Variants in FAM171A1 observed in about 807,000 individuals in gnomAD.
FAM171A1 encodes protein FAM171A1.
Under a neutral mutation model 74.9 loss-of-function variants are expected in FAM171A1, and 23 were observed. The observed-to-expected ratio is 0.31, with a 90% CI of 0.22 to 0.44. The LOEUF is 0.44. Ranked by LOEUF, FAM171A1 falls within the 20% of genes least tolerant of loss-of-function variation. The probability of loss-of-function intolerance (pLI) is 1.00; values close to 1 mark genes in which losing one functional copy is unlikely to be tolerated. For missense variants in FAM171A1, 1,162 were observed against 1,159.2 expected (o/e 1.00, Z -0.03); for synonymous variants, 527 against 505.7 (o/e 1.04, Z -0.57).
chr10:15,233,864 T>G (rs2131736288), intron 5 of FAM171A1, among the ~76,000 whole-genome samples: 1 of 147,314 alleles, frequency 6.8e-6, no homozygotes, highest in African/African-American at 2.5e-5. Context: ...ATAGTGCCAC[T>G]GCACTCCAGC....
At chr10:15,269,063 AACAAAC>A (rs956751083) in intron 3 of FAM171A1, among the ~76,000 whole-genome samples, 9 of 151,854 alleles carry the variant, frequency 5.9e-5, no homozygotes, top group African/African-American at 2.2e-4. Context: ...CAAACAAACA[AACAAAC>A]AAAGCCAGGA....
chr10:15,260,319 T>C (rs969800613), intron 3 of FAM171A1, among the ~76,000 whole-genome samples: 5 of 152,208 alleles, frequency 3.3e-5, no homozygotes, highest in Admixed American at 1.3e-4. Flanking sequence ...ATTTGTATAT[T>C]TGTTCATCTG....
At chr10:15,306,509 C>T (rs546210738) in intron 1 of FAM171A1, among the ~76,000 whole-genome samples, 2 of 152,170 alleles carry the variant, frequency 1.3e-5, no homozygotes, top group South Asian at 2.1e-4. Flanking sequence ...GGACTACAGG[C>T]ATGCCCCACC....
At chr10:15,261,549 A>T (rs1018582300) in intron 3 of FAM171A1, among the ~76,000 whole-genome samples, 5 of 152,202 alleles carry the variant, frequency 3.3e-5, no homozygotes, top group Non-Finnish European at 5.9e-5. Flanking sequence ...TGATTATCAT[A>T]GTGTTTTAAG....
chr10:15,347,120 T>C (rs763979740), intron 1 of FAM171A1, among the ~76,000 whole-genome samples: 2 of 152,188 alleles, frequency 1.3e-5, no homozygotes, highest in Admixed American at 6.5e-5. Context: ...TGAGCAACAA[T>C]AGCCAACTAT....
chr10:15,214,250 G>A lies in FAM171A1; in HGVS notation c.1338C>T (p.Asn446=). Residue 446 remains asparagine, a synonymous_variant, in exon 8 of 8, where the codon AAC becomes AAT. Coordinates refer to ENST00000378116, the MANE Select transcript of FAM171A1 (RefSeq NM_001010924.2). ...TCCCCAGCGTCCCACTTGGAGTGAG[G>A]TTATCAAAGGAGATCTGGCTTTTAT... ...EEDKSQISFD[N]LTPSGTLGKD... The A allele has an allele frequency of 6.2e-7, 1 of 1,614,106 alleles. No homozygotes were observed. The highest frequency in any genetic ancestry group is 8.5e-7 in the Non-Finnish European group (1 of 1,180,002).
chr10:15,265,489 C>A (rs765581402), intron 3 of FAM171A1, among the ~76,000 whole-genome samples: 5 of 142,988 alleles, frequency 3.5e-5, no homozygotes, highest in African/African-American at 1.1e-4. Context: ...GTGGTGCATG[C>A]CTATAGTCCC....
chr10:15,263,589 C>T (rs958286492), intron 3 of FAM171A1, among the ~76,000 whole-genome samples: 2 of 152,210 alleles, frequency 1.3e-5, no homozygotes, highest in African/African-American at 2.4e-5. Flanking sequence ...GAGGCATCAC[C>T]TAACACTGCA....
intron 5 of FAM171A1, among the ~76,000 whole-genome samples, chr10:15,232,687 G>A (rs1447637308): frequency 6.6e-6 from 1 of 152,184 alleles, no homozygotes; most frequent in Non-Finnish European, 1.5e-5. Context: ...TGGTTGTTCT[G>A]CATTCCCAGA....
In FAM171A1 at chr10:15,353,257, T is replaced by C. The variant is rs1358932314; in HGVS notation, c.97+17699A>G. On this transcript the variant is annotated intron_variant, in intron 1 of 7. Coordinates refer to ENST00000378116, the MANE Select transcript of FAM171A1 (RefSeq NM_001010924.2). The stretch of plus-strand genomic sequence containing the variant: ...TCCAACCTCTGATGAGAAGGGAATA[T>C]TGTGAATCATCAAATGCCATTAAAC... 2.0e-5 allele frequency among the ~76,000 whole-genome samples: 3 copies of C among 152,354 alleles called. No individual in the cohort carries two copies. The East Asian group carries it at 5.8e-4, about 29-fold the overall frequency.
At chr10:15,319,746 T>C (rs1835465112) in intron 1 of FAM171A1, among the ~76,000 whole-genome samples, 1 of 152,148 alleles carries the variant, frequency 6.6e-6, no homozygotes, top group African/African-American at 2.4e-5. Context: ...CCAGGGATTT[T>C]GAACCTAGAC....
chr10:15,312,961 C>T (rs1835381849), intron 1 of FAM171A1, among the ~76,000 whole-genome samples: 1 of 152,014 alleles, frequency 6.6e-6, no homozygotes, highest in Non-Finnish European at 1.5e-5. Context: ...TCCCAAAGTG[C>T]TGGGATTACA....
At chr10:15,318,638 A>G (rs1197385977) in intron 1 of FAM171A1, among the ~76,000 whole-genome samples, 1 of 152,144 alleles carries the variant, frequency 6.6e-6, no homozygotes, top group Non-Finnish European at 1.5e-5. Context: ...GTGTCATCTC[A>G]TGCTTTCTCT....
intron 5 of FAM171A1, among the ~76,000 whole-genome samples, chr10:15,244,589 G>T (rs1834406750): frequency 6.6e-6 from 1 of 152,206 alleles, no homozygotes; most frequent in African/African-American, 2.4e-5. Context: ...AGACATTTTA[G>T]TTGGGTACCT....
intron 1 of FAM171A1, among the ~76,000 whole-genome samples, chr10:15,354,301 G>C (rs1017032082): frequency 5.3e-5 from 8 of 152,080 alleles, no homozygotes; most frequent in Non-Finnish European, 7.4e-5. Context: ...TTTGAAACCA[G>C]CCTGGCCAAC....
At chr10:15,301,253 A>G (rs187037688) in intron 1 of FAM171A1, among the ~76,000 whole-genome samples, 71 of 151,148 alleles carry the variant, frequency 4.7e-4, no homozygotes, top group Middle Eastern at 3.4e-3. Flanking sequence ...GCTCACTACA[A>G]CCTCTGTCTT....
chr10:15,339,627 G>A (rs771467602), intron 1 of FAM171A1, among the ~76,000 whole-genome samples: 1 of 152,296 alleles, frequency 6.6e-6, no homozygotes, highest in Non-Finnish European at 1.5e-5. Context: ...CTGCTCTTGA[G>A]CTTGATCATC....
At chr10:15,348,043 A>G (rs1835837095) in intron 1 of FAM171A1, among the ~76,000 whole-genome samples, 1 of 151,672 alleles carries the variant, frequency 6.6e-6, no homozygotes, top group African/African-American at 2.4e-5. Context: ...AATGGCACCA[A>G]CTCGGTTCAC....
At chr10:15,229,591 CCAT>C (rs1834161166) in intron 5 of FAM171A1, among the ~76,000 whole-genome samples, 4 of 120,708 alleles carry the variant, frequency 3.3e-5, no homozygotes, top group African/African-American at 8.3e-5. Context: ...ATCATCATCA[CCAT>C]CATCACCATC....
Sources: gnomAD v4.1 joint callset for allele counts (sites outside exome capture counted in the v4.1 genomes callset) on GRCh38, gnomAD v4.1.1 for gene constraint, MANE v1.5 for transcripts, NCBI Gene and HGNC (gene_info 2026-07-23, HGNC 2026-07-21) for gene names.